The following SLC35F4 variants were observed in gnomAD, a reference collection of about 807,000 sequenced individuals.
SLC35F4 encodes the protein solute carrier family 35 member F4, also known as chromosome 14 open reading frame 36.
SLC35F4 carries 24 observed loss-of-function variants against 44.2 expected under a neutral mutation model. That is an observed-to-expected ratio of 0.54 (90% CI 0.39 to 0.76). SLC35F4 has a LOEUF of 0.76. SLC35F4 is among the 30% of genes least tolerant of loss of function. SLC35F4 has a pLI of 0.00. For missense variants in SLC35F4, 562 were observed against 586.1 expected (o/e 0.96, Z 0.42); for synonymous variants, 238 against 223.6 (o/e 1.06, Z -0.57).
intron 1 of SLC35F4, among the ~76,000 whole-genome samples, chr14:57,649,247 A>G (rs901445140): frequency 6.6e-6 from 1 of 152,220 alleles, no homozygotes; most frequent in Non-Finnish European, 1.5e-5. Flanking sequence ...TTACCAAAAC[A>G]TAATGGCTTA....
At chr14:57,859,713 C>T (rs55849747) in intron 1 of SLC35F4, among the ~76,000 whole-genome samples, 14,240 of 151,982 alleles carry the variant, frequency 0.094, 1,076 homozygotes, top group African/African-American at 0.21. Context: ...GCAAAAGATG[C>T]GATGGATAGA....
chr14:57,790,489 CACAA>C (rs202037097), intron 1 of SLC35F4, among the ~76,000 whole-genome samples: 5,238 of 152,154 alleles, frequency 0.034, 138 homozygotes, highest in Non-Finnish European at 0.054. Context: ...TAAGAGAGGA[CACAA>C]ACAAATAGAA....
chr14:57,642,241 C>T (rs1488748781), intron 1 of SLC35F4, among the ~76,000 whole-genome samples: 1 of 151,858 alleles, frequency 6.6e-6, no homozygotes, highest in Non-Finnish European at 1.5e-5. Context: ...TTTCTTTCTA[C>T]GTTTAACTCT....
intron 1 of SLC35F4, among the ~76,000 whole-genome samples, chr14:57,644,192 C>T (rs2073385773): frequency 6.6e-6 from 1 of 152,200 alleles, no homozygotes; most frequent in South Asian, 2.1e-4. Context: ...GGAATCGCCA[C>T]ACTGACTTCC....
chr14:57,851,412 G>C (rs1786686056), intron 1 of SLC35F4, among the ~76,000 whole-genome samples: 1 of 152,146 alleles, frequency 6.6e-6, no homozygotes, highest in South Asian at 2.1e-4. Flanking sequence ...GTAGTTCATA[G>C]ATCAGATTTT....
chr14:57,753,128 G>C (rs1403247923), intron 1 of SLC35F4, among the ~76,000 whole-genome samples: 3 of 152,234 alleles, frequency 2.0e-5, no homozygotes, highest in African/African-American at 7.2e-5. Flanking sequence ...GGCTGCGCCT[G>C]TGGCCTCATT....
At position 57,594,008 on chromosome 14, in the gene SLC35F4, TAGG is replaced by T. The variant is rs757438946; in HGVS notation, c.217_219del (p.Pro73del). 6.2e-7 allele frequency: 1 copy of T among 1,613,914 alleles called. No individual in the cohort carries two copies. The highest frequency in any genetic ancestry group is 8.5e-7 in the Non-Finnish European group (1 of 1,179,862). On this transcript the variant is annotated inframe_deletion, in exon 2 of 8. Transcript: ENST00000556826. The stretch of plus-strand genomic sequence containing the variant: ...GATCCTTGGTTTTGAAGTTCAAGAA[TAGG>T]AGCAGAGGAATCTTCGGTGACAGAC...
chr14:57,621,955 T>A (rs1014493259), intron 1 of SLC35F4, among the ~76,000 whole-genome samples: 5 of 150,256 alleles, frequency 3.3e-5, no homozygotes, highest in African/African-American at 1.2e-4. Flanking sequence ...TACAATGAAC[T>A]CAAACAAATT....
chr14:57,853,846 C>T (rs1016614711), intron 1 of SLC35F4, among the ~76,000 whole-genome samples: 2 of 152,176 alleles, frequency 1.3e-5, no homozygotes, highest in African/African-American at 4.8e-5. Context: ...ACCATCTTAC[C>T]CCTCCCCTTC....
rs1050930749 is a variant in SLC35F4, at chr14:57,787,343, G to A, written c.103+78380C>T. Among the ~76,000 whole-genome samples the A allele has an allele frequency of 4.6e-5, 7 of 152,250 alleles. No individual in the cohort carries two copies. In the East Asian group the frequency reaches 1.2e-3, roughly 25 times the overall value. On this transcript the variant is annotated intron_variant, in intron 1 of 7. Coordinates refer to ENST00000556826, the MANE Select transcript of SLC35F4 (RefSeq NM_001306087.2). ...TAAAAGCTTGGAAAACATATTTGGG[G>A]GAATAATTGAGGAAAACATCCCCAG... is the stretch of plus-strand genomic sequence containing the variant.
intron 1 of SLC35F4, among the ~76,000 whole-genome samples, chr14:57,961,156 C>A (rs1890332368): frequency 6.6e-6 from 1 of 152,108 alleles, no homozygotes; most frequent in Admixed American, 6.5e-5. Flanking sequence ...GAGCTGGACC[C>A]AAGGACTCAT....
intron 1 of SLC35F4, among the ~76,000 whole-genome samples, chr14:57,824,107 T>C (rs1230784104): frequency 6.6e-6 from 1 of 152,162 alleles, no homozygotes; most frequent in Non-Finnish European, 1.5e-5. Flanking sequence ...ACTAGCCCAC[T>C]GGAATAATGT....
intron 3 of SLC35F4, among the ~76,000 whole-genome samples, chr14:57,581,644 T>C (rs1197347606): frequency 2.0e-5 from 3 of 152,236 alleles, no homozygotes; most frequent in African/African-American, 7.2e-5. Flanking sequence ...AAGCACAGAG[T>C]TAGGCTCTCT....
At chr14:57,606,393 G>C (rs2071167166) in intron 1 of SLC35F4, among the ~76,000 whole-genome samples, 1 of 152,124 alleles carries the variant, frequency 6.6e-6, no homozygotes, top group African/African-American at 2.4e-5. Context: ...CAGTGGGAGT[G>C]CTTATGCTTG....
At chr14:57,839,907 A>G (rs1223417935) in intron 1 of SLC35F4, among the ~76,000 whole-genome samples, 1 of 152,158 alleles carries the variant, frequency 6.6e-6, no homozygotes, top group Non-Finnish European at 1.5e-5. Context: ...CAGCATGTCC[A>G]AAACACGCCC....
At chr14:57,758,001 A>ATG (rs34860997) in intron 1 of SLC35F4, among the ~76,000 whole-genome samples, 29,289 of 128,558 alleles carry the variant, frequency 0.23, 3,000 homozygotes, top group African/African-American at 0.26. Context: ...TTATAGGTTC[A>ATG]TGTGTGTGTG....
chr14:57,776,691 T>TAAAAAAAAAAA (rs2077498893), intron 1 of SLC35F4, among the ~76,000 whole-genome samples: 1 of 126,570 alleles, frequency 7.9e-6, no homozygotes, highest in African/African-American at 3.1e-5. Flanking sequence ...AAAAAAAAAT[T>TAAAAAAAAAAA]AAAGGCAGCT....
intron 1 of SLC35F4, among the ~76,000 whole-genome samples, chr14:57,947,128 C>T (rs1594644985): frequency 6.6e-6 from 1 of 151,930 alleles, no homozygotes; most frequent in East Asian, 1.9e-4. Flanking sequence ...GATATGTTTC[C>T]ATTTGTTTGT....
chr14:57,674,253 A>G (rs1194065265), intron 1 of SLC35F4, among the ~76,000 whole-genome samples: 2 of 152,148 alleles, frequency 1.3e-5, no homozygotes, highest in East Asian at 1.9e-4. Flanking sequence ...GACATCTCAT[A>G]CATATTGGTA....
Sources: gnomAD v4.1 joint callset for allele counts (sites outside exome capture counted in the v4.1 genomes callset) on GRCh38, gnomAD v4.1.1 for gene constraint, MANE v1.5 for transcripts, NCBI Gene and HGNC (gene_info 2026-07-23, HGNC 2026-07-21) for gene names.